Variants in SLIT3 observed in about 807,000 individuals in gnomAD.
SLIT3 encodes slit homolog 3 protein.
Under a neutral mutation model 184.0 loss-of-function variants are expected in SLIT3, and 68 were observed. That is an observed-to-expected ratio of 0.37 (90% CI 0.30 to 0.45). SLIT3 has a LOEUF of 0.45. Ranked by LOEUF, SLIT3 falls within the 20% of genes least tolerant of loss-of-function variation. The probability of loss-of-function intolerance (pLI) is 1.00; values close to 1 mark genes in which losing one functional copy is unlikely to be tolerated. For synonymous variants in SLIT3, 831 were observed against 828.6 expected (o/e 1.00, Z -0.05); for missense variants, 1,707 against 2,026.0 (o/e 0.84, Z 3.02).
chr5:168,841,235 C>A (rs1224081347), intron 6 of SLIT3, among the ~76,000 whole-genome samples: 1 of 152,196 alleles, frequency 6.6e-6, no homozygotes, highest in Non-Finnish European at 1.5e-5. Context: ...CAGTTACTTG[C>A]CTTCTCTGAG....
chr5:168,996,679 T>C (rs1434323196), intron 4 of SLIT3, among the ~76,000 whole-genome samples: 1 of 152,208 alleles, frequency 6.6e-6, no homozygotes, highest in African/African-American at 2.4e-5. Context: ...GATTTTTTAG[T>C]GGCCCTTCAT....
chr5:169,068,502 C>T (rs920204674), intron 4 of SLIT3, among the ~76,000 whole-genome samples: 31 of 152,062 alleles, frequency 2.0e-4, no homozygotes, highest in African/African-American at 7.2e-5. Flanking sequence ...CAGAGGGTTT[C>T]GTTTAAGATG....
intron 4 of SLIT3, among the ~76,000 whole-genome samples, chr5:169,132,836 T>G (rs907237085): frequency 2.0e-5 from 3 of 152,230 alleles, no homozygotes; most frequent in Non-Finnish European, 4.4e-5. Context: ...TATTTTATAC[T>G]CATAACAGGG....
At chr5:168,952,006 G>A (rs928438357) in intron 4 of SLIT3, among the ~76,000 whole-genome samples, 13 of 152,114 alleles carry the variant, frequency 8.5e-5, no homozygotes, top group African/African-American at 2.4e-4. Context: ...TCCCCACCTC[G>A]CCTGGCTGCT....
At chr5:169,099,382 C>A (rs1313414339) in intron 4 of SLIT3, among the ~76,000 whole-genome samples, 1 of 152,106 alleles carries the variant, frequency 6.6e-6, no homozygotes, top group Non-Finnish European at 1.5e-5. Context: ...AATTGTTCAT[C>A]ATTCCTTAAT....
At chr5:169,076,514 T>C (rs965952331) in intron 4 of SLIT3, among the ~76,000 whole-genome samples, 19 of 151,896 alleles carry the variant, frequency 1.3e-4, no homozygotes, top group African/African-American at 4.6e-4. Context: ...TCTCCCTACC[T>C]CTCTCTCTCT....
At chr5:168,696,489 T>A in intron 27 of SLIT3, 58 bp from the exon 28 acceptor site, 1 of 1,596,820 alleles carries the variant, frequency 6.3e-7, no homozygotes, top group Non-Finnish European at 8.6e-7. Flanking sequence ...AGAGGTGGGT[T>A]GGGATGGCAG....
chr5:169,113,803 G>C (rs1760538345), intron 4 of SLIT3, among the ~76,000 whole-genome samples: 1 of 151,748 alleles, frequency 6.6e-6, no homozygotes, highest in Non-Finnish European at 1.5e-5. Flanking sequence ...TTACTGACAT[G>C]TGCCATCATG....
chr5:169,253,542 T>G (rs887128009), intron 1 of SLIT3, among the ~76,000 whole-genome samples: 15 of 152,146 alleles, frequency 9.9e-5, no homozygotes, highest in Admixed American at 8.5e-4. Flanking sequence ...ATCTCTGAGG[T>G]GCGGTTTCTC....
chr5:168,875,529 G>A (rs952227919), intron 5 of SLIT3, among the ~76,000 whole-genome samples: 1 of 152,080 alleles, frequency 6.6e-6, no homozygotes, highest in African/African-American at 2.4e-5. Flanking sequence ...AGTTACTTGG[G>A]AGGCTGAAGT....
At chr5:168,762,323 T>C (rs1363833750) in intron 15 of SLIT3, among the ~76,000 whole-genome samples, 1 of 152,120 alleles carries the variant, frequency 6.6e-6, no homozygotes, top group African/African-American at 2.4e-5. Flanking sequence ...TCAGAAAATA[T>C]GTGTAGAATG....
intron 4 of SLIT3, among the ~76,000 whole-genome samples, chr5:168,974,716 G>A (rs1056677541): frequency 2.0e-5 from 3 of 152,128 alleles, no homozygotes; most frequent in Non-Finnish European, 2.9e-5. Context: ...CTTTAGGGAG[G>A]GGCTGTCACC....
At chr5:168,776,670 C>A (rs1232821661) in intron 12 of SLIT3, among the ~76,000 whole-genome samples, 1 of 152,166 alleles carries the variant, frequency 6.6e-6, no homozygotes, top group Non-Finnish European at 1.5e-5. Flanking sequence ...CTCCCCCCTG[C>A]AAATTCCGAT....
Position 168,666,116 on chromosome 5 carries a change from G to A in SLIT3, c.*338C>T, listed in dbSNP as rs1349038041. The stretch of plus-strand genomic sequence containing the variant: ...TTTATTCTTATCCTTTTGTTTTAAA[G>A]CATTTTTATTAGTCTATTTTTTTCT... On this transcript the variant is annotated 3_prime_UTR_variant, in exon 36 of 36. Transcript: ENST00000519560. 5.6e-6 allele frequency: 1 copy of A among 177,480 alleles called. No homozygotes were observed. The highest frequency in any genetic ancestry group is 2.4e-5 in the African/African-American group (1 of 42,456). The allele number at this position is 177,480 out of a possible 1,614,324, so 11.0% of individuals were successfully genotyped here.
intron 4 of SLIT3, among the ~76,000 whole-genome samples, chr5:169,107,953 A>G (rs1339162855): frequency 2.0e-5 from 3 of 152,166 alleles, no homozygotes; most frequent in African/African-American, 7.2e-5. Flanking sequence ...AGGCTCTCCT[A>G]TCACCAAGCA....
chr5:169,249,396 T>C (rs1176630179), intron 2 of SLIT3, among the ~76,000 whole-genome samples: 1 of 152,234 alleles, frequency 6.6e-6, no homozygotes, highest in African/African-American at 2.4e-5. Flanking sequence ...AGGAATGTTG[T>C]AGACCATCCA....
intron 4 of SLIT3, among the ~76,000 whole-genome samples, chr5:169,067,046 G>C (rs964569921): frequency 3.3e-5 from 5 of 151,274 alleles, no homozygotes; most frequent in Non-Finnish European, 7.4e-5. Flanking sequence ...TTCGCTTCCT[G>C]TTAGTCATTT....
intron 4 of SLIT3, among the ~76,000 whole-genome samples, chr5:169,093,546 A>G (rs1002317714): frequency 6.6e-6 from 1 of 152,158 alleles, no homozygotes; most frequent in Non-Finnish European, 1.5e-5. Context: ...TCATTCCTGA[A>G]AATGTTCTCA....
chr5:168,788,867 G>A (rs781143767), intron 11 of SLIT3, among the ~76,000 whole-genome samples: 8 of 152,112 alleles, frequency 5.3e-5, no homozygotes, highest in Non-Finnish European at 1.2e-4. Context: ...CATTGGATGT[G>A]TTAGGAGGGA....
Sources: allele counts gnomAD v4.1 joint callset (sites outside exome capture counted in the v4.1 genomes callset), GRCh38; gene constraint gnomAD v4.1.1; transcripts MANE v1.5; gene names NCBI Gene and HGNC (gene_info 2026-07-23, HGNC 2026-07-21).